GPHN: variants seen among roughly 807,000 people sequenced by gnomAD.
GPHN encodes gephyrin.
Under a neutral mutation model 95.5 loss-of-function variants are expected in GPHN, and 17 were observed. The observed-to-expected ratio is 0.18, with a 90% CI of 0.12 to 0.27. The LOEUF is 0.27. Among genes scored for constraint, GPHN ranks in the 10% least tolerant of loss-of-function variants. The pLI is 1.00. For missense variants in GPHN, 660 were observed against 978.1 expected, an observed-to-expected ratio of 0.67 and a Z score of 4.34; for synonymous variants, 320 against 322.5, an observed-to-expected ratio of 0.99 and a Z score of 0.08.
chr14:67,242,128 A>G, the GPHN span: 1 of 152,230 alleles, frequency 6.6e-6, no homozygotes, highest in African/African-American at 2.4e-5. Flanking sequence ...AAATTGTTAT[A>G]ACCTACGTTT....
At chr14:67,252,419 T>C in the GPHN span, among the ~76,000 whole-genome samples, 1 of 152,172 alleles carries the variant, frequency 6.6e-6, no homozygotes, top group Non-Finnish European at 1.5e-5. Context: ...CCTCCCAAAG[T>C]GCTGGTATTA....
the GPHN span, among the ~76,000 whole-genome samples, chr14:67,596,227 C>T: frequency 7.4e-5 from 11 of 149,030 alleles, no homozygotes; most frequent in South Asian, 2.1e-3. Flanking sequence ...CTCCCGGGTT[C>T]AAGTGATTCT....
the GPHN span, among the ~76,000 whole-genome samples, chr14:67,489,907 G>A: frequency 3.1e-4 from 47 of 151,900 alleles, no homozygotes; most frequent in Admixed American, 2.8e-3. Context: ...GGAGAATGGC[G>A]TGAACCTGGG....
chr14:67,174,667 C>T (rs2082816779), intron 21 of GPHN, among the ~76,000 whole-genome samples: 1 of 152,212 alleles, frequency 6.6e-6, no homozygotes, highest in African/African-American at 2.4e-5. Flanking sequence ...CTGTCTTCCA[C>T]AATGGTTGAA....
At chr14:67,068,186 A>G (rs1051527732) in intron 11 of GPHN, among the ~76,000 whole-genome samples, 7 of 152,256 alleles carry the variant, frequency 4.6e-5, no homozygotes, top group East Asian at 1.9e-4. Context: ...TCATTTCACT[A>G]TAGCATACTG....
intron 2 of GPHN, among the ~76,000 whole-genome samples, chr14:66,688,375 G>C (rs2067538335): frequency 6.6e-6 from 1 of 152,106 alleles, no homozygotes; most frequent in African/African-American, 2.4e-5. Flanking sequence ...ATGGAAAAAA[G>C]TCTGCATGCA....
At chr14:66,525,159 T>A (rs10149639) in intron 1 of GPHN, among the ~76,000 whole-genome samples, 22,704 of 152,144 alleles carry the variant, frequency 0.15, 3,210 homozygotes, top group East Asian at 0.43. Flanking sequence ...CAGCATCTGT[T>A]GTTTCCTGAC....
intron 1 of GPHN, among the ~76,000 whole-genome samples, chr14:66,513,719 C>T (rs1463805709): frequency 6.6e-6 from 1 of 151,816 alleles, no homozygotes; most frequent in Non-Finnish European, 1.5e-5. Context: ...GGCATCTAAT[C>T]TCACTTTCAT....
At chr14:66,816,726 A>G (rs1342760592) in intron 3 of GPHN, among the ~76,000 whole-genome samples, 1 of 152,220 alleles carries the variant, frequency 6.6e-6, no homozygotes, top group East Asian at 1.9e-4. Context: ...ACAGTCTAAC[A>G]TCACAACTAA....
chr14:67,223,552 T>C, the GPHN span, among the ~76,000 whole-genome samples: 1 of 152,166 alleles, frequency 6.6e-6, no homozygotes, highest in African/African-American at 2.4e-5. Flanking sequence ...GCTTTGGAAA[T>C]CAGGAGCTAA....
At chr14:66,999,371 A>G (rs1411574523) in intron 9 of GPHN, among the ~76,000 whole-genome samples, 1 of 151,998 alleles carries the variant, frequency 6.6e-6, no homozygotes, top group Non-Finnish European at 1.5e-5. Flanking sequence ...CTATGTGAAG[A>G]TACACCTATA....
the GPHN span, among the ~76,000 whole-genome samples, chr14:67,596,600 TCTAAG>T: frequency 8.5e-5 from 13 of 152,308 alleles, no homozygotes; most frequent in Middle Eastern, 3.4e-3. Flanking sequence ...GTCAGGTTCC[TCTAAG>T]CTGTCTAGGC....
chr14:67,449,171 C>T, the GPHN span, among the ~76,000 whole-genome samples: 1 of 152,204 alleles, frequency 6.6e-6, no homozygotes, highest in Non-Finnish European at 1.5e-5. Flanking sequence ...ACTGCTTGTT[C>T]TATCTGCACA....
chr14:66,587,532 C>T (rs2061472118), intron 1 of GPHN, among the ~76,000 whole-genome samples: 1 of 152,142 alleles, frequency 6.6e-6, no homozygotes, highest in Admixed American at 6.5e-5. Context: ...TTGTCATGAT[C>T]AAGTTGGATT....
chr14:67,044,415 C>T (rs538276949), intron 10 of GPHN, among the ~76,000 whole-genome samples: 21 of 152,010 alleles, frequency 1.4e-4, no homozygotes, highest in Admixed American at 7.9e-4. Flanking sequence ...CGTGTTTGTT[C>T]GTTTTGTTTT....
intron 17 of GPHN, among the ~76,000 whole-genome samples, chr14:67,132,181 C>T (rs2079760403): frequency 6.6e-6 from 1 of 152,186 alleles, no homozygotes; most frequent in Admixed American, 6.6e-5. Flanking sequence ...AAACCTGGCA[C>T]ATTTAGCAGG....
chr14:67,584,727 A>C, the GPHN span, among the ~76,000 whole-genome samples: 15 of 152,216 alleles, frequency 9.9e-5, no homozygotes, highest in Admixed American at 7.2e-4. Context: ...TTGAGGTTAT[A>C]AGAAGTGAGA....
intron 21 of GPHN, among the ~76,000 whole-genome samples, chr14:67,177,620 T>C (rs1270696060): frequency 6.6e-6 from 1 of 152,184 alleles, no homozygotes; most frequent in African/African-American, 2.4e-5. Context: ...TGAGTTCAAG[T>C]CCTGGATATC....
chr14:66,614,759 TA>T (rs959440320), intron 1 of GPHN, among the ~76,000 whole-genome samples: 6 of 152,072 alleles, frequency 3.9e-5, no homozygotes, highest in Admixed American at 1.3e-4. Flanking sequence ...TTATTTCTTG[TA>T]AAAAAATGGG....
Sources: gnomAD v4.1 joint callset for allele counts (sites outside exome capture counted in the v4.1 genomes callset) on GRCh38, gnomAD v4.1.1 for gene constraint, MANE v1.5 for transcripts, NCBI Gene and HGNC (gene_info 2026-07-23, HGNC 2026-07-21) for gene names.